The following BMP6 variants were observed in gnomAD, a reference collection of about 807,000 sequenced individuals.
BMP6 encodes bone morphogenetic protein 6.
BMP6 carries 17 observed loss-of-function variants against 54.1 expected under a neutral mutation model. That is an observed-to-expected ratio of 0.31 (90% CI 0.22 to 0.47). BMP6 has a LOEUF of 0.47. BMP6 is among the 20% of genes least tolerant of loss of function. BMP6 has a pLI of 1.00. For synonymous variants in BMP6, 328 were observed against 291.2 expected (o/e 1.13, Z -1.28); for missense variants, 720 against 690.4 (o/e 1.04, Z -0.48).
intron 4 of BMP6, among the ~76,000 whole-genome samples, chr6:7,875,037 G>T (rs949981386): frequency 3.3e-5 from 5 of 152,100 alleles, no homozygotes; most frequent in African/African-American, 1.2e-4. Flanking sequence ...CAGGAAAGCT[G>T]GTGGTGTAAT....
intron 1 of BMP6, among the ~76,000 whole-genome samples, chr6:7,745,528 T>C (rs1161371933): frequency 6.6e-6 from 1 of 152,218 alleles, no homozygotes; most frequent in Non-Finnish European, 1.5e-5. Context: ...ACCTTGTCTT[T>C]CCAAGGCACT....
intron 1 of BMP6, among the ~76,000 whole-genome samples, chr6:7,734,376 C>T (rs548109070): frequency 6.6e-6 from 1 of 152,266 alleles, no homozygotes; most frequent in East Asian, 1.9e-4. Flanking sequence ...ACTGCTGTTA[C>T]CTCTTAAGAT....
At chr6:7,729,634 G>A (rs1054276779) in intron 1 of BMP6, among the ~76,000 whole-genome samples, 1 of 152,110 alleles carries the variant, frequency 6.6e-6, no homozygotes, top group Admixed American at 6.6e-5. Flanking sequence ...AGTACCTTAG[G>A]TTTTTCTAAT....
chr6:7,827,587 CGT>C (rs1184550525), intron 1 of BMP6, among the ~76,000 whole-genome samples: 1 of 152,062 alleles, frequency 6.6e-6, no homozygotes, highest in African/African-American at 2.4e-5. Flanking sequence ...ATGACAAGGC[CGT>C]GTTAGACATG....
intron 1 of BMP6, among the ~76,000 whole-genome samples, chr6:7,745,652 G>C (rs555665071): frequency 2.6e-4 from 39 of 152,288 alleles, no homozygotes; most frequent in Non-Finnish European, 4.0e-4. Context: ...GTGTTTATTG[G>C]TCCCTTTCAA....
At chr6:7,840,948 C>T (rs761388105) in intron 1 of BMP6, among the ~76,000 whole-genome samples, 26 of 152,134 alleles carry the variant, frequency 1.7e-4, no homozygotes, top group Non-Finnish European at 3.1e-4. Flanking sequence ...AGGGAGCAGC[C>T]GTCAGTCCTA....
chr6:7,734,994 A>C (rs1172227444), intron 1 of BMP6, among the ~76,000 whole-genome samples: 1 of 152,230 alleles, frequency 6.6e-6, no homozygotes, highest in Non-Finnish European at 1.5e-5. Flanking sequence ...TAGGCCTAAA[A>C]TGTCCTTGCC....
chr6:7,796,710 G>A (rs1758196336), intron 1 of BMP6, among the ~76,000 whole-genome samples: 1 of 152,040 alleles, frequency 6.6e-6, no homozygotes, highest in African/African-American at 2.4e-5. Context: ...TTACTACTTA[G>A]TAGAACCAAT....
At chr6:7,811,362 T>C (rs930928723) in intron 1 of BMP6, among the ~76,000 whole-genome samples, 40 of 152,166 alleles carry the variant, frequency 2.6e-4, no homozygotes, top group Non-Finnish European at 5.1e-4. Flanking sequence ...GGGTCTTGGG[T>C]TGGGATATAC....
In BMP6 at chr6:7,727,620, G is replaced by A. The variant is rs372067791; in HGVS notation, c.664+1G>A. The A allele has an allele frequency of 3.2e-6, 5 of 1,546,016 alleles. No individual in the cohort carries two copies. In the African/African-American group the frequency reaches 5.5e-5, roughly 17 times the overall value. ...ATGGTCATGAGCTTTGTGAACCTGG[G>A]TAAGGATTTGGGGTAACGTAATGAC... On this transcript the variant is annotated splice_donor_variant, in intron 1 of 6. Transcript: ENST00000283147. LOFTEE classifies it high-confidence loss of function.
chr6:7,804,498 C>T (rs1000666902), intron 1 of BMP6, among the ~76,000 whole-genome samples: 1 of 152,112 alleles, frequency 6.6e-6, no homozygotes, highest in East Asian at 1.9e-4. Flanking sequence ...TGGGACCAGT[C>T]GCCAAAGTCC....
chr6:7,857,614 T>G (rs958515085), intron 2 of BMP6, among the ~76,000 whole-genome samples: 19 of 152,224 alleles, frequency 1.2e-4, no homozygotes, highest in African/African-American at 4.6e-4. Context: ...GAACATCTCT[T>G]CTGAACTCTG....
intron 1 of BMP6, among the ~76,000 whole-genome samples, chr6:7,803,160 C>T (rs965834775): frequency 5.3e-5 from 8 of 152,202 alleles, no homozygotes; most frequent in African/African-American, 1.9e-4. Context: ...GGAAGAGTGG[C>T]GCAGGCAGAG....
At chr6:7,791,586 T>C (rs1758107925) in intron 1 of BMP6, among the ~76,000 whole-genome samples, 1 of 152,144 alleles carries the variant, frequency 6.6e-6, no homozygotes, top group African/African-American at 2.4e-5. Flanking sequence ...CCCAGAATTC[T>C]GTCTCTGGAA....
At chr6:7,742,708 G>C (rs548532211) in intron 1 of BMP6, among the ~76,000 whole-genome samples, 1 of 152,142 alleles carries the variant, frequency 6.6e-6, no homozygotes, top group Middle Eastern at 3.2e-3. Flanking sequence ...ATTAAACCCT[G>C]AGTGGCCAAT....
In BMP6 at chr6:7,781,624, A is replaced by G. The variant is rs143399195; in HGVS notation, c.664+54005A>G. 3.9e-3 allele frequency among the ~76,000 whole-genome samples: 589 copies of G among 151,566 alleles called. 13 individuals are homozygous for G. Among genetic ancestry groups the G allele is most frequent in the East Asian group, 0.023 (118 of 5,176 alleles). ...TCATCCCCGTGTTCACTGAGTGCCT[A>G]TTGAGTGTCCGGAACTATGCCCAGT... On this transcript the variant is annotated intron_variant, in intron 1 of 6. Coordinates refer to ENST00000283147, the MANE Select transcript of BMP6 (RefSeq NM_001718.6).
At chr6:7,824,992 C>T (rs540677474) in intron 1 of BMP6, among the ~76,000 whole-genome samples, 54 of 152,296 alleles carry the variant, frequency 3.5e-4, no homozygotes, top group Admixed American at 2.6e-3. Context: ...CATTCACTAT[C>T]GGGATTCACA....
At position 7,861,213 on chromosome 6, in the gene BMP6, G is replaced by A. The variant is rs1453080748; in HGVS notation, c.858-238G>A. On this transcript the variant is annotated intron_variant, in intron 2 of 6. Transcript: ENST00000283147. Reference sequence around the variant, plus strand: ...AAGTTGAGAGGGTCTGCCGTGTCGGGGTGAAAGCTGATTTCTATGAAGCGC... The same window carrying A: ...AAGTTGAGAGGGTCTGCCGTGTCGGAGTGAAAGCTGATTTCTATGAAGCGC... 9.9e-5 allele frequency among the ~76,000 whole-genome samples: 15 copies of A among 152,278 alleles called. 1 individual carries two copies. The South Asian group carries it at 2.3e-3, about 23-fold the overall frequency.
intron 4 of BMP6, among the ~76,000 whole-genome samples, chr6:7,863,156 G>A (rs958844803): frequency 6.6e-6 from 1 of 152,024 alleles, no homozygotes; most frequent in Admixed American, 6.6e-5. Context: ...CTGCCACCAC[G>A]CCTGGCTAAT....
Sources: gnomAD v4.1 joint callset for allele counts (sites outside exome capture counted in the v4.1 genomes callset) on GRCh38, gnomAD v4.1.1 for gene constraint, MANE v1.5 for transcripts, NCBI Gene and HGNC (gene_info 2026-07-23, HGNC 2026-07-21) for gene names.